The following RALY variants were observed in gnomAD, a reference collection of about 807,000 sequenced individuals.
RALY encodes RALY heterogeneous nuclear ribonucleoprotein, also known as RNA-binding protein Raly.
RALY carries 15 observed loss-of-function variants against 30.7 expected under a neutral mutation model. The observed-to-expected ratio is 0.49, with a 90% CI of 0.33 to 0.75. RALY has a LOEUF of 0.75. Ranked by LOEUF, RALY falls within the 30% of genes least tolerant of loss-of-function variation. The pLI is 0.02. For synonymous variants in RALY, 177 were observed against 170.8 expected (o/e 1.04, Z -0.28); for missense variants, 339 against 414.3 (o/e 0.82, Z 1.58).
intron 2 of RALY, among the ~76,000 whole-genome samples, chr20:34,065,952 A>AGGATTTACAGAGTTCTC (rs2033557658): frequency 6.6e-6 from 1 of 152,120 alleles, no homozygotes; most frequent in African/African-American, 2.4e-5. Flanking sequence ...AGTGCTGGGG[A>AGGATTTACAGAGTTCTC]GGATTTACAG....
intron 1 of RALY, among the ~76,000 whole-genome samples, chr20:33,994,661 A>G (rs1426577603): frequency 6.6e-6 from 1 of 151,810 alleles, no homozygotes; most frequent in Non-Finnish European, 1.5e-5. Flanking sequence ...TCGGAGAGAA[A>G]CAACAACGGG....
chr20:34,052,980 T>C (rs1342421069), intron 2 of RALY, among the ~76,000 whole-genome samples: 1 of 152,158 alleles, frequency 6.6e-6, no homozygotes, highest in Non-Finnish European at 1.5e-5. Context: ...TGGCATTTAG[T>C]GGGGCTATCC....
At chr20:34,072,919 G>T (rs1438108197) in intron 3 of RALY, among the ~76,000 whole-genome samples, 2 of 140,652 alleles carry the variant, frequency 1.4e-5, no homozygotes, top group Non-Finnish European at 3.1e-5. Context: ...ACCCTTGTAT[G>T]TATAGATGTA....
chr20:34,070,995 C>T (rs1380843914), intron 2 of RALY, among the ~76,000 whole-genome samples: 3 of 152,072 alleles, frequency 2.0e-5, no homozygotes, highest in African/African-American at 7.2e-5. Context: ...ATGGCCAGGG[C>T]AGGAGGAAAA....
chr20:33,994,708 C>T (rs890338447), intron 1 of RALY, among the ~76,000 whole-genome samples: 3 of 152,036 alleles, frequency 2.0e-5, no homozygotes, highest in African/African-American at 7.2e-5. Flanking sequence ...TTCACTCAGC[C>T]TCCTTGGCGG....
At chr20:34,054,215 CT>C (rs768967767) in intron 2 of RALY, among the ~76,000 whole-genome samples, 1 of 152,170 alleles carries the variant, frequency 6.6e-6, no homozygotes, top group African/African-American at 2.4e-5. Flanking sequence ...ACCTAGGATT[CT>C]TTCACCTGTT....
At chr20:34,076,158 C>T (rs1427097013) in intron 6 of RALY, 118 bp downstream of exon 6, 3 of 1,239,976 alleles carry the variant, frequency 2.4e-6, no homozygotes. Context: ...AGTTCTGCTG[C>T]TCTAACACAG....
At chr20:34,017,955 A>G (rs1046391072) in intron 1 of RALY, among the ~76,000 whole-genome samples, 3 of 152,214 alleles carry the variant, frequency 2.0e-5, no homozygotes, top group Non-Finnish European at 2.9e-5. Flanking sequence ...AGGAATTCTG[A>G]GATTCCAAAG....
At chr20:34,007,979 T>C (rs560985944) in intron 1 of RALY, among the ~76,000 whole-genome samples, 1 of 152,214 alleles carries the variant, frequency 6.6e-6, no homozygotes, top group African/African-American at 2.4e-5. Context: ...TGCAAGACCA[T>C]ATGCTATTTC....
chr20:34,010,895 T>C (rs1377329004), intron 1 of RALY, among the ~76,000 whole-genome samples: 1 of 152,148 alleles, frequency 6.6e-6, no homozygotes, highest in Non-Finnish European at 1.5e-5. Context: ...CCTCCTATTC[T>C]GCATGACTTT....
chr20:34,051,818 G>A (rs926180976), intron 2 of RALY, among the ~76,000 whole-genome samples: 2 of 152,280 alleles, frequency 1.3e-5, no homozygotes, highest in East Asian at 3.9e-4. Context: ...TGTTTGCCAG[G>A]ATGGTCTCCA....
intron 1 of RALY, among the ~76,000 whole-genome samples, chr20:34,023,920 G>C (rs1427441808): frequency 2.0e-5 from 3 of 152,184 alleles, no homozygotes; most frequent in African/African-American, 7.2e-5. Context: ...CCAATGACAG[G>C]CTGGGTGTGG....
intron 2 of RALY, among the ~76,000 whole-genome samples, chr20:34,052,062 A>G (rs1475786452): frequency 6.6e-6 from 1 of 152,244 alleles, no homozygotes; most frequent in Non-Finnish European, 1.5e-5. Context: ...ACAGTAGGTT[A>G]GAGCTGACAG....
intron 2 of RALY, among the ~76,000 whole-genome samples, chr20:34,055,161 T>G (rs541075720): frequency 1.3e-5 from 2 of 152,326 alleles, no homozygotes; most frequent in South Asian, 4.1e-4. Flanking sequence ...GGTAGTCTGA[T>G]TCCAGAGTCA....
Position 34,075,864 on chromosome 20 carries a change from G to A in RALY, c.378-10G>A, listed in dbSNP as rs1157235669. ...CCATGCTGCAGCCTCTGGCCCATCTGCCCTCACAGGCTCTTCGACTACCGG... is the reference window on the plus strand; with the variant it reads ...CCATGCTGCAGCCTCTGGCCCATCTACCCTCACAGGCTCTTCGACTACCGG... On this transcript the variant is annotated splice_polypyrimidine_tract_variant and intron_variant, in intron 5 of 9. Coordinates refer to ENST00000246194, the MANE Select transcript of RALY (RefSeq NM_016732.3). 1.9e-6 allele frequency: 3 copies of A among 1,609,352 alleles called. No individual in the cohort carries two copies. Among genetic ancestry groups the A allele is most frequent in the South Asian group, 2.2e-5 (2 of 90,776 alleles).
At chr20:34,073,218 C>T (rs994677012) in intron 3 of RALY, among the ~76,000 whole-genome samples, 4 of 151,676 alleles carry the variant, frequency 2.6e-5, no homozygotes, top group African/African-American at 9.7e-5. Context: ...TGTATGCGTT[C>T]CCATGTACCT....
chr20:34,073,940 C>T, intron 5 of RALY, 74 bp downstream of exon 5: 3 of 1,517,616 alleles, frequency 2.0e-6, no homozygotes, highest in Non-Finnish European at 2.7e-6. Context: ...TTGGTGCAGC[C>T]CACTGAGTTC....
At chr20:34,011,549 A>G (rs1489357459) in intron 1 of RALY, among the ~76,000 whole-genome samples, 2 of 152,210 alleles carry the variant, frequency 1.3e-5, no homozygotes, top group Non-Finnish European at 2.9e-5. Context: ...GATATCTCCT[A>G]TTCTGAGTCT....
chr20:33,999,711 TCAGTAGCTTGGATA>T, intron 1 of RALY, among the ~76,000 whole-genome samples: 1 of 152,172 alleles, frequency 6.6e-6, no homozygotes, highest in East Asian at 1.9e-4. Context: ...GGCAGAAGTC[TCAGTAGCTTGGATA>T]CAGCGGTGGC....
Sources: allele counts gnomAD v4.1 joint callset (sites outside exome capture counted in the v4.1 genomes callset), GRCh38; gene constraint gnomAD v4.1.1; transcripts MANE v1.5; gene names NCBI Gene and HGNC (gene_info 2026-07-23, HGNC 2026-07-21).